The following PLA2G7 variants were observed in gnomAD, a reference collection of about 807,000 sequenced individuals.
PLA2G7 encodes platelet-activating factor acetylhydrolase.
In PLA2G7, 63 loss-of-function variants were observed where a neutral mutation model predicts 49.6. The ratio of observed to expected loss-of-function variants is 1.27; its 90% CI spans 1.04 to 1.57. PLA2G7 has a LOEUF of 1.57. Ranked by LOEUF, PLA2G7 falls within the 40% of genes most tolerant of loss-of-function variation. The probability of loss-of-function intolerance (pLI) is 0.00; values close to 1 mark genes in which losing one functional copy is unlikely to be tolerated. For synonymous variants in PLA2G7, 193 were observed against 169.9 expected, an observed-to-expected ratio of 1.14 and a Z score of -1.06; for missense variants, 596 against 521.2, an observed-to-expected ratio of 1.14 and a Z score of -1.40.
intron 8 of PLA2G7, 89 bp downstream of exon 8, chr6:46,710,455 AT>A: frequency 1.2e-6 from 1 of 839,608 alleles, no homozygotes; most frequent in Non-Finnish European, 2.0e-6. Flanking sequence ...GCCCTTTATC[AT>A]ATTGTACCTT....
In PLA2G7 at chr6:46,710,562, C is replaced by G. The variant is rs771469335; in HGVS notation, c.760G>C (p.Asp254His). Residue 254 changes from aspartate (D) to histidine (H), a missense_variant, in exon 8 of 12, where the codon GAT (aspartate) becomes CAT (histidine). By Grantham distance (81) the Asp-to-His change is moderately conservative. Transcript: ENST00000274793. Reference sequence around the variant, plus strand: ...TAGCTTACCTTCAGTTGTTCCATATCAAACTTTAAATCTAATGCATTCTTC... The same window carrying G: ...TAGCTTACCTTCAGTTGTTCCATATGAAACTTTAAATCTAATGCATTCTTC... ...PVKNALDLKF[D>H]MEQLKDSIDR... 6.2e-7 allele frequency: 1 copy of G among 1,603,066 alleles called. No homozygotes were observed. The highest frequency in any genetic ancestry group is 1.7e-5 in the Admixed American group (1 of 59,980).
chr6:46,721,809 T>C (rs970677586), intron 2 of PLA2G7, among the ~76,000 whole-genome samples: 29 of 151,998 alleles, frequency 1.9e-4, no homozygotes, highest in African/African-American at 6.3e-4. Flanking sequence ...ATTTTCCTGC[T>C]TATGTAGTAG....
In PLA2G7 at chr6:46,704,597, A is replaced by T; in HGVS notation, c.1289T>A (p.Met430Lys). 1 of 1,595,284 alleles carries T rather than the reference A, an allele frequency of 6.3e-7. No homozygotes were observed. The highest frequency in any genetic ancestry group is 8.6e-7 in the Non-Finnish European group (1 of 1,162,986). Residue 430 changes from methionine (M) to lysine (K), a missense_variant, in exon 12 of 12, where the codon ATG (methionine) becomes AAG (lysine). Coordinates refer to ENST00000274793, the MANE Select transcript of PLA2G7 (RefSeq NM_005084.4). ...CTCTATTCCTGAAGAGTTCTGTAAC[A>T]TGATGTGTTGATTGGTTGTGTTAAT... ...TNINTTNQHI[M>K]LQNSSGIEKY...
At chr6:46,714,998 G>C (rs1022993605) in intron 4 of PLA2G7, among the ~76,000 whole-genome samples, 1 of 152,068 alleles carries the variant, frequency 6.6e-6, no homozygotes, top group African/African-American at 2.4e-5. Flanking sequence ...GCCTCCCAAA[G>C]TGCTGGGATT....
chr6:46,730,411 C>T (rs1039279422), intron 1 of PLA2G7, among the ~76,000 whole-genome samples: 8 of 152,148 alleles, frequency 5.3e-5, no homozygotes, highest in African/African-American at 1.9e-4. Flanking sequence ...ATATAGATTC[C>T]TGCATTACAT....
rs926248937 is a variant in PLA2G7, at chr6:46,704,285, A to G, written c.*275T>C. On this transcript the variant is annotated 3_prime_UTR_variant, in exon 12 of 12. Coordinates refer to ENST00000274793, the MANE Select transcript of PLA2G7 (RefSeq NM_005084.4). ...TTTTTAACTTCGACACTGAAAAGGA[A>G]TCATCTTTAAAATTAAAATTTAGGC... 14 of 338,982 alleles carry G rather than the reference A, an allele frequency of 4.1e-5. No homozygotes were observed. Among genetic ancestry groups the G allele is most frequent in the Admixed American group, 8.7e-5 (2 of 22,962 alleles). 21.0% of individuals were successfully genotyped at this position (338,982 alleles called of 1,614,324 possible). A position where few individuals can be genotyped will look rare whatever the true frequency, so the allele number is the denominator to read the frequency against.
chr6:46,710,196 C>T (rs554399152), intron 8 of PLA2G7, among the ~76,000 whole-genome samples: 1 of 152,256 alleles, frequency 6.6e-6, no homozygotes, highest in African/African-American at 2.4e-5. Flanking sequence ...TATTTTTCCA[C>T]CCGCTCCCAA....
chr6:46,708,164 G>T lies in PLA2G7; in HGVS notation c.870-3C>A, dbSNP rs992239238. ...ATGCATCCAGGGCAATACCACATCT[G>T]TAGATATTTGTTGACAATGATGAAA... On this transcript the variant is annotated splice_polypyrimidine_tract_variant and splice_region_variant and intron_variant, in intron 9 of 11. Transcript: ENST00000274793. 8.6e-5 allele frequency: 138 copies of T among 1,605,688 alleles called. 4 individuals carry two copies. In the Admixed American group the frequency reaches 2.2e-3, roughly 25 times the overall value.
At chr6:46,712,656 A>G (rs1765067293) in intron 5 of PLA2G7, among the ~76,000 whole-genome samples, 1 of 152,200 alleles carries the variant, frequency 6.6e-6, no homozygotes, top group South Asian at 2.1e-4. Flanking sequence ...TGTCAAGACT[A>G]CTAAAGTTGA....
intron 2 of PLA2G7, among the ~76,000 whole-genome samples, 160 bp from the exon 3 acceptor site, chr6:46,717,256 G>GTT (rs1765240843): frequency 6.6e-6 from 1 of 152,168 alleles, no homozygotes; most frequent in Admixed American, 6.5e-5. Flanking sequence ...GGTCTGCTCT[G>GTT]TTTGAAACAC....
intron 7 of PLA2G7, among the ~76,000 whole-genome samples, chr6:46,710,993 G>A (rs1443699713): frequency 2.6e-5 from 4 of 152,162 alleles, no homozygotes; most frequent in African/African-American, 4.8e-5. Flanking sequence ...CCACTATAAA[G>A]AGGAAGCCAA....
chr6:46,713,207 T>C (rs1765088524), intron 5 of PLA2G7, among the ~76,000 whole-genome samples: 1 of 152,222 alleles, frequency 6.6e-6, no homozygotes, highest in Non-Finnish European at 1.5e-5. Context: ...CCTCATACCA[T>C]GCATTCAATA....
At chr6:46,713,457 G>C (rs982539481) in intron 5 of PLA2G7, among the ~76,000 whole-genome samples, 1 of 152,164 alleles carries the variant, frequency 6.6e-6, no homozygotes, top group East Asian at 1.9e-4. Context: ...AATGGGTGTG[G>C]CTGTGTTCTA....
At chr6:46,712,902 C>T (rs1382277315) in intron 5 of PLA2G7, among the ~76,000 whole-genome samples, 2 of 152,162 alleles carry the variant, frequency 1.3e-5, no homozygotes, top group Non-Finnish European at 2.9e-5. Flanking sequence ...TGCAGTCTGA[C>T]CACTGAGTTT....
chr6:46,709,226 G>C, intron 9 of PLA2G7, 101 bp downstream of exon 9: 1 of 743,184 alleles, frequency 1.3e-6, no homozygotes, highest in Admixed American at 1.9e-5. Context: ...AACTCCAAGA[G>C]ATCCCTTCTT....
intron 1 of PLA2G7, among the ~76,000 whole-genome samples, chr6:46,732,733 G>A (rs1765772912): frequency 6.6e-6 from 1 of 152,140 alleles, no homozygotes; most frequent in Non-Finnish European, 1.5e-5. Flanking sequence ...GTTTCTGTTA[G>A]TGTTGAGTCA....
At position 46,706,617 on chromosome 6, in the gene PLA2G7, C is replaced by T. The variant is rs192290811; in HGVS notation, c.1041-1316G>A. Among the ~76,000 whole-genome samples the T allele has an allele frequency of 8.5e-4, 130 of 152,196 alleles. 3 individuals are homozygous for T. The highest frequency in any genetic ancestry group is 2.5e-3 in the African/African-American group (104 of 41,514). ...CTTTGTTTTGGCATGCCCGTGGGGG[C>T]CCAGGAAGCTAGACCACAAGAGTCA... On this transcript the variant is annotated intron_variant, in intron 10 of 11. Transcript: ENST00000274793.
intron 10 of PLA2G7, among the ~76,000 whole-genome samples, chr6:46,705,756 A>G (rs1374285176): frequency 2.0e-5 from 3 of 152,204 alleles, no homozygotes; most frequent in Non-Finnish European, 4.4e-5. Context: ...GATTTCAAAC[A>G]CCACTTTTCC....
intron 10 of PLA2G7, 43 bp downstream of exon 10, chr6:46,707,948 T>C (rs1196876326): frequency 8.0e-7 from 1 of 1,247,778 alleles, no homozygotes; most frequent in Non-Finnish European, 1.2e-6. Flanking sequence ...TTACCCAAGC[T>C]TCAAGTTTGT....
Sources: gnomAD v4.1 joint callset for allele counts (sites outside exome capture counted in the v4.1 genomes callset) on GRCh38, gnomAD v4.1.1 for gene constraint, MANE v1.5 for transcripts, NCBI Gene and HGNC (gene_info 2026-07-23, HGNC 2026-07-21) for gene names.